The following PIK3R1 variants were observed in gnomAD, a reference collection of about 807,000 sequenced individuals.
PIK3R1 encodes the protein phosphoinositide-3-kinase regulatory subunit 1, also known as phosphatidylinositol 3-kinase regulatory subunit alpha.
PIK3R1 carries 29 observed loss-of-function variants against 98.0 expected under a neutral mutation model. The observed-to-expected ratio is 0.30, with a 90% CI of 0.22 to 0.40. The LOEUF is 0.40. PIK3R1 is among the 10% of genes least tolerant of loss of function. The pLI, the probability that PIK3R1 is intolerant of heterozygous loss-of-function variation, is 1.00. For missense variants in PIK3R1, 596 were observed against 872.7 expected (o/e 0.68, Z 3.99); for synonymous variants, 282 against 311.8 (o/e 0.90, Z 1.01).
At chr5:68,230,748 C>T (rs1209021376) in intron 2 of PIK3R1, among the ~76,000 whole-genome samples, 1 of 152,238 alleles carries the variant, frequency 6.6e-6, no homozygotes, top group Non-Finnish European at 1.5e-5. Context: ...TGTGCCCTTT[C>T]TCCCATCCTT....
intron 4 of PIK3R1, among the ~76,000 whole-genome samples, chr5:68,278,911 C>G (rs563733825): frequency 7.2e-5 from 11 of 152,256 alleles, no homozygotes; most frequent in Middle Eastern, 3.4e-3. Flanking sequence ...GAGATGCACT[C>G]CAGCCTTGGC....
intron 2 of PIK3R1, among the ~76,000 whole-genome samples, chr5:68,260,769 C>T (rs1745707908): frequency 6.6e-6 from 1 of 152,108 alleles, no homozygotes; most frequent in African/African-American, 2.4e-5. Flanking sequence ...TCTTCTTCTC[C>T]CCGCAACCCC....
At chr5:68,289,379 G>C (rs1747255079) in intron 7 of PIK3R1, among the ~76,000 whole-genome samples, 1 of 152,130 alleles carries the variant, frequency 6.6e-6, no homozygotes, top group East Asian at 1.9e-4. Flanking sequence ...GGGGACGTCA[G>C]AGAACAGAAT....
At chr5:68,290,939 T>TAAAACA in intron 7 of PIK3R1, 1 of 725,196 alleles carries the variant, frequency 1.4e-6, no homozygotes, top group South Asian at 2.3e-5. Context: ...TTTATTAATT[T>TAAAACA]GTTTCATTGA....
At chr5:68,237,756 A>G (rs2112008928) in intron 2 of PIK3R1, among the ~76,000 whole-genome samples, 1 of 152,340 alleles carries the variant, frequency 6.6e-6, no homozygotes, top group East Asian at 1.9e-4. Flanking sequence ...TAAAACTAGA[A>G]TTAGTGGGAA....
At chr5:68,256,291 G>A (rs181386901) in intron 2 of PIK3R1, among the ~76,000 whole-genome samples, 61 of 152,258 alleles carry the variant, frequency 4.0e-4, no homozygotes, top group African/African-American at 1.3e-3. Flanking sequence ...GTGCAATGGC[G>A]CAGTCTCGGC....
At chr5:68,288,607 A>G (rs1435893739) in intron 7 of PIK3R1, 4 of 1,560,386 alleles carry the variant, frequency 2.6e-6, no homozygotes, top group Non-Finnish European at 3.4e-6. Context: ...GGCGCCGGAC[A>G]CGAGCACTGC....
chr5:68,266,978 T>A (rs548903301), intron 2 of PIK3R1, among the ~76,000 whole-genome samples: 4 of 152,320 alleles, frequency 2.6e-5, no homozygotes, highest in Non-Finnish European at 5.9e-5. Context: ...TGGGGGCTTC[T>A]GGGTCATACT....
chr5:68,267,238 T>A (rs1455438208), intron 2 of PIK3R1, among the ~76,000 whole-genome samples: 1 of 152,222 alleles, frequency 6.6e-6, no homozygotes, highest in Non-Finnish European at 1.5e-5. Context: ...AGATTAAATG[T>A]AATCTTGCAT....
rs143413515 is a variant in PIK3R1 at position 68,261,903 on chromosome 5, C to T, written c.335-11487C>T. On this transcript the variant is annotated intron_variant, in intron 2 of 15. Transcript: ENST00000521381. ...TCAGACCCTATCCCTTCCCTTTCTG[C>T]TGAAGACAGAAATGGTGCAACAGAG... 6.9e-3 allele frequency among the ~76,000 whole-genome samples: 1,043 copies of T among 152,244 alleles called. 5 individuals are homozygous for T. Among genetic ancestry groups the T allele is most frequent in the Middle Eastern group, 0.02 (6 of 294 alleles).
intron 7 of PIK3R1, chr5:68,288,717 T>TCCGA (rs765142432): frequency 3.0e-5 from 49 of 1,613,600 alleles, no homozygotes; most frequent in Non-Finnish European, 4.2e-5. Context: ...TACAGGCATT[T>TCCGA]CAAAGGGAAA....
intron 5 of PIK3R1, 130 bp from the exon 6 acceptor site, chr5:68,280,398 T>C (rs995281833): frequency 1.5e-6 from 1 of 684,082 alleles, no homozygotes; most frequent in African/African-American, 1.8e-5. Context: ...TACTGTGTGC[T>C]TCTCCCAACA....
At chr5:68,292,444 A>G in intron 8 of PIK3R1, 83 bp downstream of exon 8, 1 of 1,449,732 alleles carries the variant, frequency 6.9e-7, no homozygotes, top group Middle Eastern at 1.7e-4. Context: ...CATTTTTAGG[A>G]TATCATCCAA....
intron 2 of PIK3R1, chr5:68,239,989 C>G: frequency 4.2e-6 from 2 of 480,120 alleles, no homozygotes; most frequent in South Asian, 3.1e-5. Flanking sequence ...GAAACTGTGG[C>G]TCTTAACTGG....
At chr5:68,240,971 C>T (rs758020865) in intron 2 of PIK3R1, among the ~76,000 whole-genome samples, 6 of 152,220 alleles carry the variant, frequency 3.9e-5, no homozygotes, top group Non-Finnish European at 8.8e-5. Flanking sequence ...TGACGAGTCT[C>T]TTGATTCAGT....
chr5:68,223,825 C>G (rs540091340), intron 1 of PIK3R1, among the ~76,000 whole-genome samples: 1 of 152,314 alleles, frequency 6.6e-6, no homozygotes, highest in African/African-American at 2.4e-5. Context: ...AGTCCTGGAG[C>G]CTTTTCTTAA....
intron 7 of PIK3R1, among the ~76,000 whole-genome samples, chr5:68,283,005 G>C (rs766567642): frequency 1.1e-4 from 17 of 152,184 alleles, no homozygotes; most frequent in Non-Finnish European, 2.1e-4. Flanking sequence ...GAACATCTTC[G>C]TATTCAGGAA....
Position 68,246,353 on chromosome 5 carries a change from C to T in PIK3R1, c.334+19344C>T, listed in dbSNP as rs1455911774. ...TTTTGAGACAGAGTTTTACTCGTCGCCCAAGCCGCAGTGCAGTGGCGCGAT... is the reference window on the plus strand; with the variant it reads ...TTTTGAGACAGAGTTTTACTCGTCGTCCAAGCCGCAGTGCAGTGGCGCGAT... On this transcript the variant is annotated intron_variant, in intron 2 of 15. Coordinates refer to ENST00000521381, the MANE Select transcript of PIK3R1 (RefSeq NM_181523.3). Among the ~76,000 whole-genome samples the T allele has an allele frequency of 2.0e-5, 3 of 151,102 alleles. No individual in the cohort carries two copies. The East Asian group carries it at 5.8e-4, about 29-fold the overall frequency.
At chr5:68,279,235 G>A (rs1746715692) in intron 4 of PIK3R1, among the ~76,000 whole-genome samples, 1 of 152,080 alleles carries the variant, frequency 6.6e-6, no homozygotes, top group African/African-American at 2.4e-5. Context: ...TAGAGGGGTG[G>A]GACAGAGGAT....
Sources: gnomAD v4.1 joint callset for allele counts (sites outside exome capture counted in the v4.1 genomes callset) on GRCh38, gnomAD v4.1.1 for gene constraint, MANE v1.5 for transcripts, NCBI Gene and HGNC (gene_info 2026-07-23, HGNC 2026-07-21) for gene names.